Variants in LEO1 observed in about 807,000 individuals in gnomAD.
The protein encoded by LEO1 is LEO1 component of Paf1/RNA polymerase II complex.
A neutral mutation model predicts 80.4 loss-of-function variants in LEO1; 34 were observed. The ratio of observed to expected loss-of-function variants is 0.42; its 90% CI spans 0.32 to 0.56. The LOEUF (loss-of-function observed/expected upper bound fraction) is 0.56. Among genes scored for constraint, LEO1 ranks in the 20% least tolerant of loss-of-function variants. The pLI, the probability that LEO1 is intolerant of heterozygous loss-of-function variation, is 0.10. For synonymous variants in LEO1, 262 were observed against 274.9 expected (o/e 0.95, Z 0.46); for missense variants, 631 against 814.2 (o/e 0.77, Z 2.74).
At position 51,949,873 on chromosome 15, in the gene LEO1, T is replaced by A; in HGVS notation, c.1733A>T (p.Glu578Val). 6.2e-7 allele frequency: 1 copy of A among 1,614,042 alleles called. No homozygotes were observed. Among genetic ancestry groups the A allele is most frequent in the African/African-American group, 1.3e-5 (1 of 75,034 alleles). The part of the protein sequence containing the change: ...SYLEPDRYDE[E>V]EEGEESISLA... ...GCTGATGGACTCCTCGCCTTCCTCC[T>A]CCTCATCGTATCGATCAGGTTCCAG... Residue 578 changes from glutamate (E) to valine (V), a missense_variant, in exon 10 of 12, where the codon GAG (glutamate) becomes GTG (valine). By Grantham distance (121) the Glu-to-Val change is moderately radical. Around this residue, in one of 4 missense-constraint regions of LEO1, gnomAD observed 117 missense variants for 163.5 expected, o/e 0.72. Coordinates refer to ENST00000299601, the MANE Select transcript of LEO1 (RefSeq NM_138792.4).
intron 11 of LEO1, among the ~76,000 whole-genome samples, chr15:51,943,801 C>T (rs1269900643): frequency 1.4e-5 from 2 of 138,956 alleles, no homozygotes; most frequent in East Asian, 2.1e-4. Flanking sequence ...AAAAAGGTAC[C>T]AAATGGGAAT....
chr15:51,965,439 G>A (rs966075724), intron 2 of LEO1, among the ~76,000 whole-genome samples: 1 of 152,110 alleles, frequency 6.6e-6, no homozygotes, highest in Non-Finnish European at 1.5e-5. Flanking sequence ...CACAGAAATG[G>A]AATCAACTTA....
chr15:51,944,518 A>G (rs2056883012), intron 11 of LEO1, among the ~76,000 whole-genome samples: 2 of 152,208 alleles, frequency 1.3e-5, no homozygotes, highest in Admixed American at 1.3e-4. Context: ...AAGGATAGAA[A>G]TAAGAATTTT....
chr15:51,945,123 C>A (rs953420313), intron 11 of LEO1, among the ~76,000 whole-genome samples: 2 of 152,002 alleles, frequency 1.3e-5, no homozygotes, highest in Middle Eastern at 3.2e-3. Flanking sequence ...GAATAAAAAA[C>A]CAAAATAAAA....
chr15:51,965,471 C>T (rs2057067078), intron 2 of LEO1, among the ~76,000 whole-genome samples: 1 of 152,190 alleles, frequency 6.6e-6, no homozygotes, highest in South Asian at 2.1e-4. Context: ...GCTCTTCTTA[C>T]ACCATATCCC....
At chr15:51,961,960 G>C (rs1157022501) in intron 3 of LEO1, among the ~76,000 whole-genome samples, 1 of 151,622 alleles carries the variant, frequency 6.6e-6, no homozygotes, top group Non-Finnish European at 1.5e-5. Flanking sequence ...TCAGGAGTTC[G>C]AGACCAACCT....
chr15:51,943,303 C>T (rs899622069), intron 11 of LEO1, among the ~76,000 whole-genome samples: 8 of 146,130 alleles, frequency 5.5e-5, no homozygotes, highest in Non-Finnish European at 1.1e-4. Flanking sequence ...CGCTTGAATT[C>T]GGGAGGCGGA....
chr15:51,942,939 C>CAA lies in LEO1; in HGVS notation c.1896+4351_1896+4352dup, dbSNP rs79457757. Among the ~76,000 whole-genome samples, 513 of 140,144 alleles carry CAA rather than the reference C, an allele frequency of 3.7e-3. 5 individuals are homozygous for CAA. The highest frequency in any genetic ancestry group is 0.013 in the African/African-American group (499 of 38,100). The allele number at this position is 140,144 out of a possible 152,430, so 91.9% of individuals were successfully genotyped here. A position where few individuals can be genotyped will look rare whatever the true frequency, so the allele number is the denominator to read the frequency against. On this transcript the variant is annotated intron_variant, in intron 11 of 11. Coordinates refer to ENST00000299601, the MANE Select transcript of LEO1 (RefSeq NM_138792.4). Reference sequence around the variant, plus strand: ...TTTGTCTCAAAAAAAAAAAAAAAACCAAAAAAAAAACAACAAACAAATTTT... The same window carrying CAA: ...TTTGTCTCAAAAAAAAAAAAAAAACCAAAAAAAAAAAACAACAAACAAATTTT...
intron 3 of LEO1, among the ~76,000 whole-genome samples, chr15:51,962,099 G>GTT (rs1032467104): frequency 1.3e-5 from 2 of 151,320 alleles, no homozygotes; most frequent in African/African-American, 4.9e-5. Flanking sequence ...GGAGGCAGCA[G>GTT]TTGCAATAAG....
In LEO1 at chr15:51,962,505, G is replaced by A. The variant is rs1046106639; in HGVS notation, c.815-12C>T. On this transcript the variant is annotated splice_polypyrimidine_tract_variant and intron_variant, in intron 2 of 11. Transcript: ENST00000299601. ...GCCTCTTGCAGATTCTATAAGGGTAGAATTAGAAGTTCTGCATAATCAGTC... is the reference window on the plus strand; with the variant it reads ...GCCTCTTGCAGATTCTATAAGGGTAAAATTAGAAGTTCTGCATAATCAGTC... 8 of 1,568,070 alleles carry A rather than the reference G, an allele frequency of 5.1e-6. No homozygotes were observed. In the African/African-American group the frequency reaches 1.1e-4, roughly 21 times the overall value.
intron 7 of LEO1, among the ~76,000 whole-genome samples, chr15:51,954,265 G>T (rs1454997612): frequency 6.6e-6 from 1 of 150,672 alleles, no homozygotes; most frequent in Non-Finnish European, 1.5e-5. Context: ...TGCACACCAA[G>T]TAGTCCCAGC....
intron 6 of LEO1, among the ~76,000 whole-genome samples, chr15:51,955,310 G>T (rs907344585): frequency 1.1e-4 from 16 of 152,166 alleles, no homozygotes; most frequent in African/African-American, 3.1e-4. Context: ...CCATAAAAAT[G>T]AGACCAAAAA....
At chr15:51,958,089 G>T (rs754043029) in intron 6 of LEO1, among the ~76,000 whole-genome samples, 1 of 152,144 alleles carries the variant, frequency 6.6e-6, no homozygotes, top group Non-Finnish European at 1.5e-5. Flanking sequence ...TTTAAGAATT[G>T]AAAATGCATA....
At chr15:51,961,680 C>T (rs1414182249) in intron 3 of LEO1, among the ~76,000 whole-genome samples, 2 of 151,594 alleles carry the variant, frequency 1.3e-5, no homozygotes, top group African/African-American at 2.4e-5. Context: ...AGGCGTGAGC[C>T]ACTGCACCCA....
rs977214945 is a variant in LEO1 at position 51,961,044 on chromosome 15, C to T, written c.920-311G>A. 4.6e-5 allele frequency among the ~76,000 whole-genome samples: 7 copies of T among 152,176 alleles called. No homozygotes were observed. In the East Asian group the frequency reaches 1.3e-3, roughly 29 times the overall value. On this transcript the variant is annotated intron_variant, in intron 3 of 11. Coordinates refer to ENST00000299601, the MANE Select transcript of LEO1 (RefSeq NM_138792.4). The stretch of plus-strand genomic sequence containing the variant: ...ACAGTCTAGATGCTCAAAGTTGGGG[C>T]TGAAGCACTCCACAGACACCCATTT...
chr15:51,961,386 G>A (rs1398694936), intron 3 of LEO1, among the ~76,000 whole-genome samples: 1 of 149,606 alleles, frequency 6.7e-6, no homozygotes. Flanking sequence ...TGGTGGTGGT[G>A]GTTGCGGTTG....
chr15:51,960,940 A>T (rs2057025210), intron 3 of LEO1, among the ~76,000 whole-genome samples: 3 of 152,108 alleles, frequency 2.0e-5, no homozygotes. Flanking sequence ...GCTGCACAGG[A>T]GGCACTTATT....
intron 2 of LEO1, among the ~76,000 whole-genome samples, chr15:51,963,476 T>C (rs920422364): frequency 6.6e-6 from 1 of 152,240 alleles, no homozygotes; most frequent in African/African-American, 2.4e-5. Flanking sequence ...AGAACCACTG[T>C]TGAACTAGTA....
At chr15:51,951,704 G>A in intron 9 of LEO1, 140 bp downstream of exon 9, 2 of 690,714 alleles carry the variant, frequency 2.9e-6, no homozygotes, top group South Asian at 2.1e-5. Flanking sequence ...AAATGCTGAG[G>A]AAATGAATCC....
Sources: allele counts gnomAD v4.1 joint callset (sites outside exome capture counted in the v4.1 genomes callset), GRCh38; gene constraint gnomAD v4.1.1; regional missense constraint gnomAD v4.1.1; transcripts MANE v1.5; gene names NCBI Gene and HGNC (gene_info 2026-07-23, HGNC 2026-07-21).